The following INTS6 variants were observed in gnomAD, a reference collection of about 807,000 sequenced individuals.
INTS6 encodes integrator complex subunit 6.
In INTS6, 16 loss-of-function variants were observed where a neutral mutation model predicts 104.9. The observed-to-expected ratio is 0.15, with a 90% confidence interval of 0.10 to 0.23. The LOEUF (loss-of-function observed/expected upper bound fraction) is 0.23, where lower values mean the gene tolerates loss of function less well. Ranked by LOEUF, INTS6 falls within the 10% of genes least tolerant of loss-of-function variation. The pLI is 1.00. For synonymous variants in INTS6, 324 were observed against 358.7 expected (o/e 0.90, Z 1.09); for missense variants, 584 against 1,062.8 (o/e 0.55, Z 6.26).
chr13:51,354,065 G>T (rs1025522610), downstream of INTS6: 4 of 152,096 alleles, frequency 2.6e-5, no homozygotes, highest in African/African-American at 7.2e-5. Flanking sequence ...GGCATAAAGT[G>T]CACACAGCAA....
intron 3 of INTS6, chr13:51,444,387 G>T (rs1440011489): frequency 1.3e-5 from 2 of 149,782 alleles, no homozygotes; most frequent in African/African-American, 4.9e-5. Flanking sequence ...TTACAGGTGT[G>T]AGCCATGGCA....
intron 15 of INTS6, among the ~76,000 whole-genome samples, chr13:51,370,153 C>T (rs796781187): frequency 1.1e-4 from 17 of 152,304 alleles, no homozygotes; most frequent in African/African-American, 4.1e-4. Context: ...TTGCAAACTC[C>T]TCTTTACTGA....
At chr13:51,368,836 T>A in intron 16 of INTS6, 103 bp downstream of exon 16, 1 of 1,163,110 alleles carries the variant, frequency 8.6e-7, no homozygotes, top group Non-Finnish European at 1.2e-6. Context: ...AGATCTAGAA[T>A]CATATGTATT....
At chr13:51,348,878 CA>C in the INTS6 span, among the ~76,000 whole-genome samples, 1 of 59,264 alleles carries the variant, frequency 1.7e-5, no homozygotes, top group Non-Finnish European at 2.9e-5. Flanking sequence ...GATCAGACGC[CA>C]AATTAAGGCA....
intron 3 of INTS6, chr13:51,442,139 TGA>T (rs1952809650): frequency 1.6e-5 from 2 of 121,432 alleles, no homozygotes; most frequent in South Asian, 5.0e-4. Context: ...TTTTTGACCA[TGA>T]TTTTTTTTTT....
chr13:51,344,292 A>T, the INTS6 span: 1 of 1,613,904 alleles, frequency 6.2e-7, no homozygotes, highest in East Asian at 2.2e-5. Context: ...TTTATGCCAC[A>T]CTACCCACCT....
At chr13:51,344,195 T>C in the INTS6 span, 2 of 1,282,028 alleles carry the variant, frequency 1.6e-6, no homozygotes, top group Admixed American at 3.7e-5. Flanking sequence ...CTGGAGGTTG[T>C]GCTAACTCCT....
downstream of INTS6, among the ~76,000 whole-genome samples, chr13:51,352,781 T>A (rs1022449740): frequency 3.9e-5 from 6 of 152,110 alleles, no homozygotes; most frequent in Admixed American, 6.6e-5. Flanking sequence ...GTTTGTTGTA[T>A]GTTTGATGTT....
chr13:51,348,084 C>A, the INTS6 span: 23 of 684,904 alleles, frequency 3.4e-5, no homozygotes, highest in African/African-American at 2.9e-4. Context: ...GAAACCGCCT[C>A]CTGAGGGTGA....
intron 4 of INTS6, among the ~76,000 whole-genome samples, chr13:51,411,988 A>G (rs916240511): frequency 3.9e-5 from 6 of 152,354 alleles, no homozygotes; most frequent in African/African-American, 1.4e-4. Context: ...AAAAGAAACA[A>G]TCTACTGACA....
intron 3 of INTS6, among the ~76,000 whole-genome samples, chr13:51,355,410 C>G (rs950944966): frequency 2.0e-5 from 3 of 151,984 alleles, no homozygotes; most frequent in African/African-American, 7.3e-5. Flanking sequence ...GTAAACAGAC[C>G]CTCCCTCTAA....
chr13:51,450,826 T>C (rs1007706269), intron 3 of INTS6, 199 bp downstream of exon 3: 37 of 1,200,200 alleles, frequency 3.1e-5, no homozygotes, highest in Non-Finnish European at 3.4e-5. Flanking sequence ...TGAATACCAA[T>C]GCATTTTAGA....
At position 51,363,319 on chromosome 13, in the gene INTS6, A is replaced by G. The variant is rs1955619873; in HGVS notation, c.*2433T>C. ...AGTTCCACAATCCACTGGAATTCTAATAGTCCTTGTGACTTTACCTCTATC... is the reference window on the plus strand; with the variant it reads ...AGTTCCACAATCCACTGGAATTCTAGTAGTCCTTGTGACTTTACCTCTATC... On this transcript the variant is annotated 3_prime_UTR_variant, in exon 18 of 18. Coordinates refer to ENST00000311234, the MANE Select transcript of INTS6 (RefSeq NM_012141.3). 1 of 151,974 alleles carries G rather than the reference A, an allele frequency of 6.6e-6. No homozygotes were observed. Among genetic ancestry groups the G allele is most frequent in the South Asian group, 2.1e-4 (1 of 4,828 alleles). The allele number at this position is 151,974 out of a possible 1,614,324, so 9.4% of individuals were successfully genotyped here. A position where few individuals can be genotyped will look rare whatever the true frequency, so the allele number is the denominator to read the frequency against.
chr13:51,415,099 C>G (rs114056823), intron 4 of INTS6, among the ~76,000 whole-genome samples: 2,891 of 151,250 alleles, frequency 0.019, 49 homozygotes, highest in African/African-American at 0.046. Flanking sequence ...GTTATAGCAA[C>G]TTAATACCCT....
At chr13:51,348,691 C>G in the INTS6 span, 1 of 410,170 alleles carries the variant, frequency 2.4e-6, no homozygotes, top group Non-Finnish European at 4.4e-6. Flanking sequence ...ATGGAGCCCC[C>G]CAGGACCCCC....
the INTS6 span, chr13:51,347,156 C>T: frequency 6.2e-7 from 1 of 1,614,010 alleles, no homozygotes; most frequent in South Asian, 1.1e-5. Context: ...CACAGACACA[C>T]AGATCCTGCC....
rs918656294 is a variant in INTS6 at position 51,364,894 on chromosome 13, G to C, written c.*858C>G. 4 of 152,252 alleles carry C rather than the reference G, an allele frequency of 2.6e-5. No homozygotes were observed. Among genetic ancestry groups the C allele is most frequent in the African/African-American group, 9.7e-5 (4 of 41,436 alleles). 9.4% of individuals were successfully genotyped at this position (152,252 alleles called of 1,614,324 possible). ...TGCCATCCACAATCCTAGTGATAAAGGAAAAGGTGTTGAAGTAAGGAAACC... is the reference window on the plus strand; with the variant it reads ...TGCCATCCACAATCCTAGTGATAAACGAAAAGGTGTTGAAGTAAGGAAACC... On this transcript the variant is annotated 3_prime_UTR_variant, in exon 18 of 18. Coordinates refer to ENST00000311234, the MANE Select transcript of INTS6 (RefSeq NM_012141.3).
At chr13:51,410,088 T>C (rs1048336264) in intron 4 of INTS6, among the ~76,000 whole-genome samples, 1 of 152,158 alleles carries the variant, frequency 6.6e-6, no homozygotes, top group Admixed American at 6.5e-5. Context: ...ATCAAACACT[T>C]AAATCTGAAA....
chr13:51,412,794 A>C (rs1956711266), intron 4 of INTS6, among the ~76,000 whole-genome samples: 2 of 152,222 alleles, frequency 1.3e-5, no homozygotes, highest in Non-Finnish European at 2.9e-5. Flanking sequence ...ACAGACTGGA[A>C]CACCAGCAAA....
Sources: allele counts gnomAD v4.1 joint callset (sites outside exome capture counted in the v4.1 genomes callset), GRCh38; gene constraint gnomAD v4.1.1; transcripts MANE v1.5; gene names NCBI Gene and HGNC (gene_info 2026-07-23, HGNC 2026-07-21).